Variants in NSMCE4A observed in about 807,000 individuals in gnomAD.
The protein encoded by NSMCE4A is NSE4A component of SMC5/6 complex.
NSMCE4A carries 40 observed loss-of-function variants against 47.9 expected under a neutral mutation model. That is an observed-to-expected ratio of 0.83 (90% confidence interval 0.65 to 1.09). The LOEUF is 1.09. Ranked by LOEUF, NSMCE4A falls within the 50% of genes least tolerant of loss-of-function variation. NSMCE4A has a pLI of 0.00. For synonymous variants in NSMCE4A, 166 were observed against 178.5 expected, an observed-to-expected ratio of 0.93 and a Z score of 0.56; for missense variants, 500 against 507.0, an observed-to-expected ratio of 0.99 and a Z score of 0.13.
intron 10 of NSMCE4A, 21 bp from the exon 11 acceptor site, chr10:121,957,280 T>C (rs1454809046): frequency 6.6e-6 from 1 of 152,622 alleles, no homozygotes; most frequent in East Asian, 1.9e-4. Context: ...GAAGAATAGC[T>C]GGTTAACAGT....
intron 2 of NSMCE4A, among the ~76,000 whole-genome samples, chr10:121,971,820 G>A (rs1031990430): frequency 6.6e-6 from 1 of 152,178 alleles, no homozygotes; most frequent in Non-Finnish European, 1.5e-5. Flanking sequence ...TAGGTAAGTT[G>A]CTAAAGTTGC....
At chr10:121,968,448 G>C (rs567302597) in intron 3 of NSMCE4A, among the ~76,000 whole-genome samples, 53 of 152,236 alleles carry the variant, frequency 3.5e-4, no homozygotes, top group Non-Finnish European at 7.4e-4. Context: ...CTGGTTTTCA[G>C]ATTTTAATTT....
At chr10:121,962,979 G>C (rs944761958) in intron 6 of NSMCE4A, among the ~76,000 whole-genome samples, 1 of 152,002 alleles carries the variant, frequency 6.6e-6, no homozygotes, top group Non-Finnish European at 1.5e-5. Flanking sequence ...AGGGGAGGTG[G>C]AACAGCTACT....
At chr10:121,963,719 A>G (rs972116849) in intron 5 of NSMCE4A, among the ~76,000 whole-genome samples, 4 of 152,100 alleles carry the variant, frequency 2.6e-5, no homozygotes, top group African/African-American at 9.7e-5. Context: ...TCTCTACTAA[A>G]AATACAAAAA....
intron 2 of NSMCE4A, 54 bp from the exon 3 acceptor site, chr10:121,971,123 A>T: frequency 6.7e-7 from 1 of 1,486,026 alleles, no homozygotes; most frequent in Non-Finnish European, 9.1e-7. Flanking sequence ...TTATCCATAG[A>T]CTTTTTCCCT....
intron 2 of NSMCE4A, among the ~76,000 whole-genome samples, chr10:121,971,739 T>A (rs1258573404): frequency 2.0e-5 from 3 of 152,190 alleles, no homozygotes; most frequent in Non-Finnish European, 4.4e-5. Flanking sequence ...GAAAATCAAA[T>A]TCCCACTACA....
intron 3 of NSMCE4A, among the ~76,000 whole-genome samples, chr10:121,970,453 C>CA (rs1466596805): frequency 4.8e-5 from 6 of 125,334 alleles, no homozygotes; most frequent in Admixed American, 1.0e-4. Flanking sequence ...GCCTGGGCGA[C>CA]AGAGCGAGAC....
At chr10:121,959,922 C>A in intron 8 of NSMCE4A, 1 of 353,908 alleles carries the variant, frequency 2.8e-6, no homozygotes, top group Admixed American at 4.5e-5. Context: ...CAAGTAAGTG[C>A]GATGGAAATA....
intron 6 of NSMCE4A, chr10:121,962,086 G>A: frequency 2.5e-6 from 1 of 393,144 alleles, no homozygotes; most frequent in Non-Finnish European, 5.0e-6. Flanking sequence ...TTCCAGTCTG[G>A]GCGAAAGAGT....
At chr10:121,967,629 C>G (rs746072758) in intron 4 of NSMCE4A, 26 bp downstream of exon 4, 1 of 1,600,532 alleles carries the variant, frequency 6.2e-7, no homozygotes, top group Middle Eastern at 1.8e-4. Flanking sequence ...AATAACTGGT[C>G]TGTTGGATTT....
At chr10:121,968,019 A>G (rs961391156) in intron 3 of NSMCE4A, among the ~76,000 whole-genome samples, 4 of 152,178 alleles carry the variant, frequency 2.6e-5, no homozygotes, top group Admixed American at 6.5e-5. Flanking sequence ...AACATTCCTC[A>G]ATGTACTTAA....
Position 121,975,199 on chromosome 10 carries a change from G to C in NSMCE4A, c.-34C>G, listed in dbSNP as rs1052810356. 1.5e-6 allele frequency: 2 copies of C among 1,350,768 alleles called. No homozygotes were observed. Among genetic ancestry groups the C allele is most frequent in the Non-Finnish European group, 1.9e-6 (2 of 1,056,952 alleles). The allele number at this position is 1,350,768 out of a possible 1,614,324, so 83.7% of individuals were successfully genotyped here. On this transcript the variant is annotated 5_prime_UTR_variant, in exon 1 of 11. Transcript: ENST00000369023. ...TTCACCGTGCAACTTCGGAACGGCGGAAGTTCGCGCCAGAAACTGAAACCC... is the reference window on the plus strand; with the variant it reads ...TTCACCGTGCAACTTCGGAACGGCGCAAGTTCGCGCCAGAAACTGAAACCC...
In NSMCE4A at chr10:121,961,681, A is replaced by G. The variant is rs1003235972; in HGVS notation, c.845-164T>C. On this transcript the variant is annotated intron_variant, in intron 6 of 10. Transcript: ENST00000369023. The stretch of plus-strand genomic sequence containing the variant: ...CCAATTTGGCATCTCTACTAAAAAC[A>G]TGTATGCCCACTGACCTGGAAACCA... 13 of 502,212 alleles carry G rather than the reference A, an allele frequency of 2.6e-5. No homozygotes were observed. In the Admixed American group the frequency reaches 4.0e-4, roughly 15 times the overall value. The allele number at this position is 502,212 out of a possible 1,614,324, so 31.1% of individuals were successfully genotyped here.
At chr10:121,963,191 G>GAAC (rs1952533301) in intron 6 of NSMCE4A, 47 bp downstream of exon 6, 1 of 1,173,358 alleles carries the variant, frequency 8.5e-7, no homozygotes, top group East Asian at 2.3e-5. Flanking sequence ...TAACCTCAGT[G>GAAC]AACAGATAAA....
chr10:121,960,495 A>T lies in NSMCE4A; in HGVS notation c.940-89T>A. The T allele has an allele frequency of 1.1e-6, 1 of 874,080 alleles. No homozygotes were observed. 54.1% of individuals were successfully genotyped at this position (874,080 alleles called of 1,614,324 possible). ...ATGGAAAAAATTACTCAGAAAATTC[A>T]GTATCTCAGAAAATCAAATTACACC... On this transcript the variant is annotated intron_variant, in intron 7 of 10. Transcript: ENST00000369023. This position sits in a 1 kb window ranked among gnomAD's most constrained non-coding sequence, Gnocchi z 4.2.
rs955489179 is a variant in NSMCE4A, at chr10:121,960,437, C to T, written c.940-31G>A. On this transcript the variant is annotated intron_variant, in intron 7 of 10. Coordinates refer to ENST00000369023, the MANE Select transcript of NSMCE4A (RefSeq NM_017615.3). This position sits in a 1 kb window ranked among gnomAD's most constrained non-coding sequence, Gnocchi z 4.2. ...ACGAAAACATGATTTTAGGAGAAGA[C>T]AAACATTTAAGACTCAAACCTATAC... 10 of 1,493,624 alleles carry T rather than the reference C, an allele frequency of 6.7e-6. No homozygotes were observed. The highest frequency in any genetic ancestry group is 5.9e-5 in the African/African-American group (4 of 67,512). 92.5% of individuals were successfully genotyped at this position (1,493,624 alleles called of 1,614,324 possible). A position where few individuals can be genotyped will look rare whatever the true frequency, so the allele number is the denominator to read the frequency against.
At chr10:121,971,950 C>T (rs942549242) in intron 2 of NSMCE4A, among the ~76,000 whole-genome samples, 10 of 152,052 alleles carry the variant, frequency 6.6e-5, no homozygotes, top group African/African-American at 2.4e-4. Flanking sequence ...GGTAGTGACC[C>T]GAGGACGGAT....
intron 2 of NSMCE4A, among the ~76,000 whole-genome samples, chr10:121,971,379 G>A (rs557019580): frequency 1.4e-4 from 21 of 152,102 alleles, no homozygotes; most frequent in Middle Eastern, 3.4e-3. Context: ...GCGTGGTGGC[G>A]GGCGCCTGTA....
chr10:121,975,166 A>G lies in NSMCE4A; in HGVS notation c.-1T>C, dbSNP rs371141227. Reference sequence around the variant, plus strand: ...CGCGGCCGCTGCTGTCCCCAGACATAGCGCCAATTCACCGTGCAACTTCGG... The same window carrying G: ...CGCGGCCGCTGCTGTCCCCAGACATGGCGCCAATTCACCGTGCAACTTCGG... On this transcript the variant is annotated 5_prime_UTR_variant, in exon 1 of 11. Transcript: ENST00000369023. 2.2e-6 allele frequency: 3 copies of G among 1,380,516 alleles called. No individual in the cohort carries two copies. The highest frequency in any genetic ancestry group is 4.0e-5 in the Admixed American group (1 of 25,014). The allele number at this position is 1,380,516 out of a possible 1,614,324, so 85.5% of individuals were successfully genotyped here.
Sources: gnomAD v4.1 joint callset for allele counts (sites outside exome capture counted in the v4.1 genomes callset) on GRCh38, gnomAD v4.1.1 for gene constraint, Gnocchi (gnomAD v3.1) non-coding constraint, MANE v1.5 for transcripts, NCBI Gene and HGNC (gene_info 2026-07-23, HGNC 2026-07-21) for gene names.